SLCO4C1: variants seen among roughly 807,000 people sequenced by gnomAD.
The protein encoded by SLCO4C1 is organic anion transporter M1.
A neutral mutation model predicts 72.1 loss-of-function variants in SLCO4C1; 58 were observed. The ratio of observed to expected loss-of-function variants is 0.80; its 90% CI spans 0.65 to 1.00. The LOEUF (loss-of-function observed/expected upper bound fraction) is 1.00. Ranked by LOEUF, SLCO4C1 falls within the 50% of genes least tolerant of loss-of-function variation. SLCO4C1 has a pLI of 0.00. For synonymous variants in SLCO4C1, 297 were observed against 312.5 expected, an observed-to-expected ratio of 0.95 and a Z score of 0.52; for missense variants, 898 against 857.9, an observed-to-expected ratio of 1.05 and a Z score of -0.58.
At chr5:102,277,567 G>A (rs902325991) in intron 2 of SLCO4C1, among the ~76,000 whole-genome samples, 1 of 152,256 alleles carries the variant, frequency 6.6e-6, no homozygotes, top group Admixed American at 6.5e-5. Flanking sequence ...CAGAGAGAAT[G>A]ATATCAGTGG....
chr5:102,257,688 G>A (rs1212011013), intron 7 of SLCO4C1, among the ~76,000 whole-genome samples: 2 of 150,364 alleles, frequency 1.3e-5, no homozygotes, highest in Non-Finnish European at 3.0e-5. Context: ...GCGCAATCTC[G>A]GCTCGCTGCA....
intron 2 of SLCO4C1, among the ~76,000 whole-genome samples, chr5:102,286,281 T>A (rs1749450806): frequency 6.6e-6 from 1 of 152,166 alleles, no homozygotes. Context: ...GGTCAATAAA[T>A]AAAAAGAGCT....
rs1412580252 is a variant in SLCO4C1 at position 102,261,988 on chromosome 5, C to A, written c.945G>T (p.Trp315Cys). The change falls in exon 5 of 13, where the codon TGG becomes TGT. Residue 315 changes from tryptophan (W) to cysteine (C), a missense_variant. Trp to Cys is a radical substitution (Grantham distance 215). Coordinates refer to ENST00000310954, the MANE Select transcript of SLCO4C1 (RefSeq NM_180991.5). ...EDDPRWLGAW[W>C]IGFLLSWIFA... ...AGATCCATGATAGAAGAAACCCAAT[C>A]CACCAAGCTCCCAACCATCGCGGAT... is the stretch of plus-strand genomic sequence containing the variant. 6 of 1,612,906 alleles carry A rather than the reference C, an allele frequency of 3.7e-6. No individual in the cohort carries two copies. The highest frequency in any genetic ancestry group is 1.7e-6 in the Non-Finnish European group (2 of 1,179,400).
In SLCO4C1 at chr5:102,236,790, T is replaced by C. The variant is rs551349417; in HGVS notation, c.*68A>G. 6.9e-7 allele frequency: 1 copy of C among 1,450,712 alleles called. No homozygotes were observed. Among genetic ancestry groups the C allele is most frequent in the Admixed American group, 1.9e-5 (1 of 52,654 alleles). 89.9% of individuals were successfully genotyped at this position (1,450,712 alleles called of 1,614,324 possible). On this transcript the variant is annotated 3_prime_UTR_variant, in exon 13 of 13. Coordinates refer to ENST00000310954, the MANE Select transcript of SLCO4C1 (RefSeq NM_180991.5). ...CCATATTGGATAGATAATCCTGCCA[T>C]GGCAATGTGTGTTCTTAAAAATCGA...
At chr5:102,282,886 T>C (rs1273372578) in intron 2 of SLCO4C1, among the ~76,000 whole-genome samples, 1 of 151,596 alleles carries the variant, frequency 6.6e-6, no homozygotes, top group Non-Finnish European at 1.5e-5. Context: ...GAAAACTCTT[T>C]CTTTCTTTCT....
At chr5:102,271,041 G>T (rs949786699) in intron 2 of SLCO4C1, among the ~76,000 whole-genome samples, 1 of 151,966 alleles carries the variant, frequency 6.6e-6, no homozygotes, top group Non-Finnish European at 1.5e-5. Flanking sequence ...TTAGATGGGG[G>T]TAACCACTGT....
chr5:102,295,830 T>A (rs981745151), intron 1 of SLCO4C1, 78 bp downstream of exon 1: 54 of 1,423,172 alleles, frequency 3.8e-5, no homozygotes, highest in Non-Finnish European at 4.8e-5. Context: ...CCCGCGCACC[T>A]GCCCTCTCCC....
intron 1 of SLCO4C1, among the ~76,000 whole-genome samples, chr5:102,294,003 G>C (rs1219227214): frequency 6.6e-6 from 1 of 152,210 alleles, no homozygotes; most frequent in Non-Finnish European, 1.5e-5. Flanking sequence ...CCGCCTCCTG[G>C]GTTCAAGTGT....
chr5:102,258,412 A>T (rs995707787), intron 6 of SLCO4C1, among the ~76,000 whole-genome samples: 2 of 152,198 alleles, frequency 1.3e-5, no homozygotes, highest in African/African-American at 4.8e-5. Flanking sequence ...AAATCTCCAC[A>T]CTATAAATCT....
At chr5:102,294,782 G>A (rs954474479) in intron 1 of SLCO4C1, among the ~76,000 whole-genome samples, 1 of 152,172 alleles carries the variant, frequency 6.6e-6, no homozygotes, top group African/African-American at 2.4e-5. Context: ...AATGCGCAAA[G>A]CAAGGGGCCC....
chr5:102,255,374 A>G (rs1748815540), intron 8 of SLCO4C1, among the ~76,000 whole-genome samples: 1 of 152,182 alleles, frequency 6.6e-6, no homozygotes, highest in African/African-American at 2.4e-5. Flanking sequence ...ACTCAAGGTG[A>G]TAAACTATGT....
chr5:102,243,063 G>T (rs1378627343), intron 10 of SLCO4C1, among the ~76,000 whole-genome samples: 1 of 152,174 alleles, frequency 6.6e-6, no homozygotes, highest in Non-Finnish European at 1.5e-5. Context: ...TGGTAGTCTG[G>T]CAGTACTCCT....
chr5:102,294,464 T>A (rs1244261284), intron 1 of SLCO4C1, among the ~76,000 whole-genome samples: 4 of 152,186 alleles, frequency 2.6e-5, no homozygotes, highest in Non-Finnish European at 5.9e-5. Context: ...ATAACAATTT[T>A]AGGCAATATT....
At chr5:102,255,183 T>C (rs1302624560) in intron 8 of SLCO4C1, among the ~76,000 whole-genome samples, 1 of 152,190 alleles carries the variant, frequency 6.6e-6, no homozygotes, top group East Asian at 1.9e-4. Context: ...CTAAGAAACA[T>C]GTATGTGTAT....
At chr5:102,293,465 G>T (rs1330542257) in intron 1 of SLCO4C1, among the ~76,000 whole-genome samples, 1 of 151,982 alleles carries the variant, frequency 6.6e-6, no homozygotes, top group African/African-American at 2.4e-5. Context: ...ATCAGGAAAC[G>T]CTCCATACTA....
chr5:102,254,990 A>G (rs1748808333), intron 8 of SLCO4C1, among the ~76,000 whole-genome samples: 1 of 152,184 alleles, frequency 6.6e-6, no homozygotes, highest in Non-Finnish European at 1.5e-5. Flanking sequence ...AGTGTATAGA[A>G]GCTAAAACTA....
chr5:102,291,620 A>T lies in SLCO4C1; in HGVS notation c.356-14T>A. 1 of 1,586,718 alleles carries T rather than the reference A, an allele frequency of 6.3e-7. No homozygotes were observed. The highest frequency in any genetic ancestry group is 8.6e-7 in the Non-Finnish European group (1 of 1,163,992). On this transcript the variant is annotated splice_polypyrimidine_tract_variant and intron_variant, in intron 1 of 12. Transcript: ENST00000310954. ...TAACTACAATACCTAAAAAACAGAA[A>T]AGTTGATGTGCATCATTAATATTTT...
chr5:102,290,278 T>C (rs374243674), intron 2 of SLCO4C1, among the ~76,000 whole-genome samples: 43 of 152,342 alleles, frequency 2.8e-4, no homozygotes, highest in Middle Eastern at 3.4e-3. Flanking sequence ...CTCTAACTCC[T>C]GAGCTCAAGG....
intron 4 of SLCO4C1, 59 bp downstream of exon 4, chr5:102,263,625 A>G (rs1317138400): frequency 1.4e-6 from 2 of 1,381,340 alleles, no homozygotes; most frequent in East Asian, 2.3e-5. Context: ...TCTGTCTATG[A>G]TGCTGGCATA....
Sources: allele counts gnomAD v4.1 joint callset (sites outside exome capture counted in the v4.1 genomes callset), GRCh38; gene constraint gnomAD v4.1.1; transcripts MANE v1.5; gene names NCBI Gene and HGNC (gene_info 2026-07-23, HGNC 2026-07-21).